The following EFNA5 variants were observed in gnomAD, a reference collection of about 807,000 sequenced individuals.
EFNA5 encodes the protein ephrin-A5.
EFNA5 carries 5 observed loss-of-function variants against 22.9 expected under a neutral mutation model. The ratio of observed to expected loss-of-function variants is 0.22; its 90% CI spans 0.11 to 0.46. The LOEUF (loss-of-function observed/expected upper bound fraction) is 0.46. Among genes scored for constraint, EFNA5 ranks in the 20% least tolerant of loss-of-function variants. The pLI is 0.99. For missense variants in EFNA5, 237 were observed against 293.3 expected (o/e 0.81, Z 1.40); for synonymous variants, 113 against 112.2 (o/e 1.01, Z -0.04).
intron 1 of EFNA5, among the ~76,000 whole-genome samples, chr5:107,645,110 GTAT>G (rs1415987326): frequency 2.0e-5 from 3 of 152,108 alleles, no homozygotes; most frequent in African/African-American, 7.2e-5. Context: ...CATCACCTAG[GTAT>G]TAAGCCCCAC....
At chr5:107,587,080 G>A (rs964542996) in intron 1 of EFNA5, among the ~76,000 whole-genome samples, 2 of 152,188 alleles carry the variant, frequency 1.3e-5, no homozygotes, top group East Asian at 3.8e-4. Context: ...CTATGTCTCA[G>A]TAAAATGTAG....
chr5:107,389,501 C>A (rs188421202), intron 2 of EFNA5, among the ~76,000 whole-genome samples: 1 of 152,330 alleles, frequency 6.6e-6, no homozygotes, highest in East Asian at 1.9e-4. Flanking sequence ...GATGAACTCA[C>A]TTCAAGCCTT....
intron 1 of EFNA5, among the ~76,000 whole-genome samples, chr5:107,559,934 T>C (rs1418246119): frequency 1.3e-5 from 2 of 152,196 alleles, no homozygotes; most frequent in East Asian, 1.9e-4. Flanking sequence ...GGCATAGATA[T>C]TGCTTTCTTT....
intron 1 of EFNA5, among the ~76,000 whole-genome samples, chr5:107,648,712 T>C (rs781067288): frequency 5.3e-5 from 8 of 152,118 alleles, no homozygotes; most frequent in Non-Finnish European, 8.8e-5. Context: ...ATGTCACACA[T>C]TATTTTTATT....
At chr5:107,641,170 C>A (rs1295231342) in intron 1 of EFNA5, among the ~76,000 whole-genome samples, 4 of 152,140 alleles carry the variant, frequency 2.6e-5, no homozygotes, top group East Asian at 3.9e-4. Context: ...CCAGCCTGGG[C>A]AACATGGTGA....
At chr5:107,412,629 C>T (rs924897281) in intron 2 of EFNA5, among the ~76,000 whole-genome samples, 1 of 152,266 alleles carries the variant, frequency 6.6e-6, no homozygotes, top group South Asian at 2.1e-4. Context: ...AACCTGCCAA[C>T]AGACAGGCAA....
At chr5:107,631,518 A>T (rs572165143) in intron 1 of EFNA5, among the ~76,000 whole-genome samples, 23 of 152,290 alleles carry the variant, frequency 1.5e-4, no homozygotes, top group African/African-American at 5.3e-4. Context: ...ATACCAAAAA[A>T]TTATTGTTTT....
At chr5:107,621,070 T>C (rs1392177942) in intron 1 of EFNA5, among the ~76,000 whole-genome samples, 1 of 152,138 alleles carries the variant, frequency 6.6e-6, no homozygotes, top group Non-Finnish European at 1.5e-5. Context: ...GGCTAGAAGG[T>C]AAAGAATCAT....
intron 1 of EFNA5, among the ~76,000 whole-genome samples, chr5:107,514,808 T>C (rs953286039): frequency 6.6e-6 from 1 of 152,190 alleles, no homozygotes; most frequent in Non-Finnish European, 1.5e-5. Context: ...CTTTCCTTAC[T>C]TCACTGACTT....
intron 1 of EFNA5, among the ~76,000 whole-genome samples, chr5:107,547,828 G>T (rs1335442890): frequency 6.6e-6 from 1 of 152,040 alleles, no homozygotes; most frequent in East Asian, 1.9e-4. Flanking sequence ...TGTAACTTTG[G>T]TAAAATAGCT....
At chr5:107,577,883 G>A (rs77150802) in intron 1 of EFNA5, among the ~76,000 whole-genome samples, 19,580 of 152,108 alleles carry the variant, frequency 0.13, 1,347 homozygotes, top group Non-Finnish European at 0.15. Flanking sequence ...AACCTTTTTT[G>A]GAGCGCGGGG....
At chr5:107,433,166 G>C (rs1207113070) in intron 1 of EFNA5, among the ~76,000 whole-genome samples, 2 of 152,190 alleles carry the variant, frequency 1.3e-5, no homozygotes, top group African/African-American at 4.8e-5. Context: ...TGCAGGGCCA[G>C]TGACCTTAAC....
chr5:107,473,510 T>C lies in EFNA5; in HGVS notation c.126-46001A>G, dbSNP rs750943371. On this transcript the variant is annotated intron_variant, in intron 1 of 4. Transcript: ENST00000333274. ...AGAATGTGACTACAACAGATTTAAT[T>C]CTCAAAGCAGAAGGAATCTGAAAAT... Among the ~76,000 whole-genome samples the C allele has an allele frequency of 4.7e-4, 72 of 152,208 alleles. 1 individual carries two copies. Among genetic ancestry groups the C allele is most frequent in the Non-Finnish European group, 9.7e-4 (66 of 68,010 alleles).
At position 107,446,922 on chromosome 5, in the gene EFNA5, T is replaced by A. The variant is rs1457802585; in HGVS notation, c.126-19413A>T. On this transcript the variant is annotated intron_variant, in intron 1 of 4. Transcript: ENST00000333274. Reference sequence around the variant, plus strand: ...TGGGCAGTTGCCTCTGTGAGGTAATTCTGGGACACAAAGGCCATCTTTAAA... The same window carrying A: ...TGGGCAGTTGCCTCTGTGAGGTAATACTGGGACACAAAGGCCATCTTTAAA... Among the ~76,000 whole-genome samples, 6 of 152,168 alleles carry A rather than the reference T, an allele frequency of 3.9e-5. No individual in the cohort carries two copies. In the East Asian group the frequency reaches 1.2e-3, roughly 29 times the overall value.
intron 1 of EFNA5, among the ~76,000 whole-genome samples, chr5:107,585,670 G>A (rs1272850525): frequency 6.6e-6 from 1 of 152,152 alleles, no homozygotes; most frequent in Non-Finnish European, 1.5e-5. Context: ...AAAAGGGGAT[G>A]GTAGGGTAGG....
intron 1 of EFNA5, among the ~76,000 whole-genome samples, chr5:107,612,250 G>A (rs769958177): frequency 1.2e-4 from 18 of 151,970 alleles, no homozygotes; most frequent in Non-Finnish European, 2.5e-4. Context: ...ATGTAAAGTT[G>A]ATTAATTATA....
At chr5:107,480,540 G>T (rs1373919162) in intron 1 of EFNA5, among the ~76,000 whole-genome samples, 2 of 152,196 alleles carry the variant, frequency 1.3e-5, no homozygotes, top group Non-Finnish European at 2.9e-5. Flanking sequence ...GCACTATATG[G>T]ATCAAGACTA....
intron 1 of EFNA5, among the ~76,000 whole-genome samples, chr5:107,653,569 C>T (rs1356384998): frequency 2.0e-5 from 3 of 152,110 alleles, no homozygotes; most frequent in Admixed American, 1.3e-4. Flanking sequence ...AAGCTCCTTC[C>T]AAGCACAACT....
chr5:107,478,779 G>A (rs139470849), intron 1 of EFNA5, among the ~76,000 whole-genome samples: 1 of 152,098 alleles, frequency 6.6e-6, no homozygotes, highest in Admixed American at 6.6e-5. Flanking sequence ...TTTGTAAAAT[G>A]ATTATTTTCA....
Sources: gnomAD v4.1 joint callset for allele counts (sites outside exome capture counted in the v4.1 genomes callset) on GRCh38, gnomAD v4.1.1 for gene constraint, MANE v1.5 for transcripts, NCBI Gene and HGNC (gene_info 2026-07-23, HGNC 2026-07-21) for gene names.